C8orf34: variants seen among roughly 807,000 people sequenced by gnomAD.
The protein encoded by C8orf34 is uncharacterized protein C8orf34.
C8orf34 carries 65 observed loss-of-function variants against 68.3 expected under a neutral mutation model. The observed-to-expected ratio is 0.95, with a 90% confidence interval of 0.78 to 1.17. The LOEUF is 1.17. C8orf34 is among the 50% of genes most tolerant of loss of function. The pLI, the probability that C8orf34 is intolerant of heterozygous loss-of-function variation, is 0.00. For synonymous variants in C8orf34, 244 were observed against 241.2 expected (o/e 1.01, Z -0.11); for missense variants, 664 against 655.4 (o/e 1.01, Z -0.14).
intron 1 of C8orf34, among the ~76,000 whole-genome samples, chr8:68,410,221 G>A (rs1809386729): frequency 6.6e-6 from 1 of 152,112 alleles, no homozygotes; most frequent in Non-Finnish European, 1.5e-5. Context: ...GGGAAAGCTG[G>A]GTGAGTTGGG....
intron 6 of C8orf34, chr8:68,525,593 G>T: frequency 1.1e-6 from 1 of 884,660 alleles, no homozygotes; most frequent in Non-Finnish European, 1.9e-6. Flanking sequence ...GCCAGCTGAG[G>T]TTGTCAGTAC....
At chr8:68,466,350 A>G (rs1156467490) in intron 3 of C8orf34, among the ~76,000 whole-genome samples, 1 of 152,050 alleles carries the variant, frequency 6.6e-6, no homozygotes, top group Non-Finnish European at 1.5e-5. Context: ...ACACGAGTGT[A>G]CTGTACTCAG....
intron 8 of C8orf34, among the ~76,000 whole-genome samples, chr8:68,699,950 C>T (rs1318880811): frequency 1.3e-5 from 2 of 152,040 alleles, no homozygotes; most frequent in Non-Finnish European, 2.9e-5. Flanking sequence ...CTCTATGTCA[C>T]CATTAATCAT....
chr8:68,789,386 A>G (rs1369765455), intron 12 of C8orf34, among the ~76,000 whole-genome samples: 1 of 152,212 alleles, frequency 6.6e-6, no homozygotes, highest in African/African-American at 2.4e-5. Context: ...ATAATCCATC[A>G]AAATAGTATA....
intron 11 of C8orf34, 88 bp downstream of exon 11, chr8:68,776,537 G>T (rs7833828): frequency 0.4 from 419,217 of 1,041,530 alleles, 91,786 homozygotes; most frequent in African/African-American, 0.76. Flanking sequence ...CCATCTACTT[G>T]TAGGGTTTCT....
chr8:68,341,402 T>C lies in C8orf34; in HGVS notation c.327+10063T>C, dbSNP rs141445301. Among the ~76,000 whole-genome samples the C allele has an allele frequency of 4.0e-4, 61 of 152,244 alleles. No homozygotes were observed. The Middle Eastern group carries it at 0.017, about 42-fold the overall frequency. ...TCTTACACCTTGTACAAAAATTAACTTAAAGTATACCACAGATTTAATGAT... is the reference window on the plus strand; with the variant it reads ...TCTTACACCTTGTACAAAAATTAACCTAAAGTATACCACAGATTTAATGAT... On this transcript the variant is annotated intron_variant, in intron 1 of 13. Coordinates refer to ENST00000518698, the MANE Select transcript of C8orf34 (RefSeq NM_052958.4).
At chr8:68,727,379 G>A (rs1049428672) in intron 10 of C8orf34, among the ~76,000 whole-genome samples, 1 of 152,294 alleles carries the variant, frequency 6.6e-6, no homozygotes, top group East Asian at 1.9e-4. Context: ...CTCTCTCCTG[G>A]CTGCTTTCAT....
At chr8:68,604,716 G>T (rs1188903035) in intron 7 of C8orf34, among the ~76,000 whole-genome samples, 5 of 151,800 alleles carry the variant, frequency 3.3e-5, no homozygotes, top group Non-Finnish European at 7.4e-5. Context: ...ATTCAAAATG[G>T]GTCAGAGACC....
At chr8:68,678,956 C>A (rs1241557741) in intron 8 of C8orf34, among the ~76,000 whole-genome samples, 1 of 151,404 alleles carries the variant, frequency 6.6e-6, no homozygotes, top group Non-Finnish European at 1.5e-5. Flanking sequence ...TTTCTATGGG[C>A]CTGTGGTGAA....
intron 1 of C8orf34, among the ~76,000 whole-genome samples, chr8:68,358,799 G>A (rs547316615): frequency 3.4e-4 from 52 of 151,760 alleles, no homozygotes; most frequent in African/African-American, 1.1e-3. Flanking sequence ...TCTGCCTCTC[G>A]GGTTCAAGTG....
At chr8:68,589,924 G>A (rs1415447061) in intron 7 of C8orf34, among the ~76,000 whole-genome samples, 3 of 126,156 alleles carry the variant, frequency 2.4e-5, no homozygotes, top group African/African-American at 9.0e-5. Flanking sequence ...AGATGGGGGA[G>A]GGAGGGAAAG....
intron 1 of C8orf34, among the ~76,000 whole-genome samples, chr8:68,419,164 G>A (rs1231419974): frequency 0.02 from 2,997 of 151,894 alleles, 40 homozygotes; most frequent in Non-Finnish European, 0.033. Context: ...AGAAGTGGGC[G>A]AAGGACATGA....
At chr8:68,495,036 A>G (rs1288427397) in intron 5 of C8orf34, among the ~76,000 whole-genome samples, 10 of 151,802 alleles carry the variant, frequency 6.6e-5, no homozygotes, top group Admixed American at 6.6e-4. Flanking sequence ...GTCATAAAGC[A>G]AAAGTAAACT....
At chr8:68,349,850 C>G (rs186966041) in intron 1 of C8orf34, among the ~76,000 whole-genome samples, 4 of 151,366 alleles carry the variant, frequency 2.6e-5, no homozygotes, top group East Asian at 3.9e-4. Context: ...GATCTTCTCT[C>G]TTTTCTTCTT....
chr8:68,652,622 T>C (rs1281544731), intron 8 of C8orf34, among the ~76,000 whole-genome samples: 1 of 152,218 alleles, frequency 6.6e-6, no homozygotes, highest in Non-Finnish European at 1.5e-5. Context: ...TTCATTCTTT[T>C]GCATGATATC....
chr8:68,401,998 T>C (rs577540093), intron 1 of C8orf34, among the ~76,000 whole-genome samples: 1 of 151,986 alleles, frequency 6.6e-6, no homozygotes, highest in Non-Finnish European at 1.5e-5. Flanking sequence ...TATTAGCTAT[T>C]TGTAGGTTTG....
chr8:68,770,038 A>T (rs1823294368), intron 10 of C8orf34, among the ~76,000 whole-genome samples: 2 of 152,322 alleles, frequency 1.3e-5, no homozygotes, highest in South Asian at 4.1e-4. Flanking sequence ...AAATCTGGCA[A>T]GTTTGCAGAG....
At chr8:68,500,606 G>A (rs1229994107) in intron 5 of C8orf34, among the ~76,000 whole-genome samples, 1 of 152,120 alleles carries the variant, frequency 6.6e-6, no homozygotes, top group Admixed American at 6.6e-5. Context: ...AATTTTATAT[G>A]TAAAGAAGAG....
At chr8:68,475,370 G>A (rs73264456) in intron 4 of C8orf34, among the ~76,000 whole-genome samples, 5,429 of 152,194 alleles carry the variant, frequency 0.036, 339 homozygotes, top group African/African-American at 0.12. Flanking sequence ...TTTCCTGAGG[G>A]CAGAGCCACT....
Sources: gnomAD v4.1 joint callset for allele counts (sites outside exome capture counted in the v4.1 genomes callset) on GRCh38, gnomAD v4.1.1 for gene constraint, MANE v1.5 for transcripts, NCBI Gene and HGNC (gene_info 2026-07-23, HGNC 2026-07-21) for gene names.